MAPK10: variants seen among roughly 807,000 people sequenced by gnomAD.
The protein encoded by MAPK10 is JNK3 alpha protein kinase.
A neutral mutation model predicts 59.3 loss-of-function variants in MAPK10; 25 were observed. The observed-to-expected ratio is 0.42, with a 90% CI of 0.31 to 0.59. MAPK10 has a LOEUF of 0.59. MAPK10 is among the 20% of genes least tolerant of loss of function. The pLI is 0.15. For synonymous variants in MAPK10, 190 were observed against 200.5 expected, an observed-to-expected ratio of 0.95 and a Z score of 0.44; for missense variants, 351 against 568.9, an observed-to-expected ratio of 0.62 and a Z score of 3.90.
chr4:86,208,767 G>A (rs563403365), intron 2 of MAPK10, among the ~76,000 whole-genome samples: 1 of 152,008 alleles, frequency 6.6e-6, no homozygotes, highest in African/African-American at 2.4e-5. Context: ...AGAAAATAAA[G>A]GGTATTCAAT....
intron 1 of MAPK10, among the ~76,000 whole-genome samples, chr4:86,550,374 T>TAAAAAAAAAAAAAAAAAAAA (rs753508493): frequency 1.3e-5 from 1 of 77,392 alleles, no homozygotes; most frequent in Non-Finnish European, 2.3e-5. Context: ...GAGCTTCAGT[T>TAAAAAAAAAAAAAAAAAAAA]AAAAAAAAAA....
At chr4:86,555,398 A>T (rs917797839) in intron 1 of MAPK10, among the ~76,000 whole-genome samples, 3 of 152,162 alleles carry the variant, frequency 2.0e-5, no homozygotes, top group African/African-American at 7.2e-5. Context: ...GTAAGCCAAG[A>T]TCGCACCACT....
intron 1 of MAPK10, among the ~76,000 whole-genome samples, chr4:86,554,943 ATGCCTT>A (rs1233363605): frequency 6.6e-6 from 1 of 152,228 alleles, no homozygotes; most frequent in East Asian, 1.9e-4. Flanking sequence ...TCAAAACTCT[ATGCCTT>A]TGCAAATTTT....
chr4:86,513,821 C>T (rs759845427), intron 1 of MAPK10, among the ~76,000 whole-genome samples: 25 of 152,166 alleles, frequency 1.6e-4, no homozygotes, highest in Non-Finnish European at 2.9e-4. Context: ...GAGATGATAA[C>T]AAAGACCTAT....
chr4:86,468,458 A>G (rs1389359147), intron 1 of MAPK10, among the ~76,000 whole-genome samples: 13 of 152,228 alleles, frequency 8.5e-5, no homozygotes, highest in Non-Finnish European at 1.5e-5. Context: ...TTATTTTATA[A>G]TATGAACCAG....
chr4:86,473,194 T>C (rs1321740749), intron 1 of MAPK10, among the ~76,000 whole-genome samples: 1 of 152,218 alleles, frequency 6.6e-6, no homozygotes, highest in Non-Finnish European at 1.5e-5. Flanking sequence ...GAAATTTTTC[T>C]AAAAATTTTT....
chr4:86,168,808 A>G (rs1581754599), intron 3 of MAPK10, among the ~76,000 whole-genome samples: 1 of 151,728 alleles, frequency 6.6e-6, no homozygotes, highest in African/African-American at 2.4e-5. Flanking sequence ...ACTGGGAGGC[A>G]CCCCCCAGTA....
chr4:86,526,293 G>C (rs1301812517), intron 1 of MAPK10, among the ~76,000 whole-genome samples: 8 of 152,124 alleles, frequency 5.3e-5, no homozygotes, highest in African/African-American at 1.9e-4. Context: ...TCAGTCCAGA[G>C]AGGTCATGTG....
intron 2 of MAPK10, among the ~76,000 whole-genome samples, chr4:86,247,077 C>T (rs188646497): frequency 1.7e-4 from 26 of 152,200 alleles, no homozygotes; most frequent in African/African-American, 4.1e-4. Flanking sequence ...TTCTGCCAAC[C>T]GTCAACCAAC....
At chr4:86,575,810 CATTCTT>C (rs1450624294) in intron 1 of MAPK10, among the ~76,000 whole-genome samples, 3 of 149,954 alleles carry the variant, frequency 2.0e-5, no homozygotes, top group Non-Finnish European at 4.5e-5. Flanking sequence ...TGTAGTAACT[CATTCTT>C]AAACACAAAA....
chr4:86,284,741 CAGAG>C (rs2094936256), intron 2 of MAPK10, among the ~76,000 whole-genome samples: 1 of 152,168 alleles, frequency 6.6e-6, no homozygotes, highest in African/African-American at 2.4e-5. Context: ...TCTGTCTCGA[CAGAG>C]AGTCAGCCTT....
chr4:86,055,323 T>G (rs1404208905), intron 11 of MAPK10, among the ~76,000 whole-genome samples: 5 of 136,238 alleles, frequency 3.7e-5, no homozygotes, highest in Admixed American at 3.5e-4. Flanking sequence ...TGAAAATATT[T>G]AGGGGAACTT....
intron 4 of MAPK10, among the ~76,000 whole-genome samples, chr4:86,127,221 A>G (rs907547915): frequency 7.5e-6 from 1 of 132,912 alleles, no homozygotes; most frequent in African/African-American, 2.8e-5. Context: ...AAAAAAAAAA[A>G]GCATCCTACT....
chr4:86,216,828 T>C (rs925176955), intron 2 of MAPK10, among the ~76,000 whole-genome samples: 2 of 152,056 alleles, frequency 1.3e-5, no homozygotes, highest in Admixed American at 1.3e-4. Flanking sequence ...TAGTTACAAA[T>C]ATAGTTTTAG....
At position 86,486,131 on chromosome 4, in the gene MAPK10, A is replaced by G. The variant is rs546972873; in HGVS notation, c.-263+107779T>C. ...CAAATTAACTGTATTTTATTAAATA[A>G]TCACATGGAAAGTTGGGTGTGGTGG... On this transcript the variant is annotated intron_variant, in intron 1 of 4. Coordinates refer to the MAPK10 transcript ENST00000502302. 1.7e-4 allele frequency among the ~76,000 whole-genome samples: 26 copies of G among 152,330 alleles called. No individual in the cohort carries two copies. The South Asian group carries it at 5.4e-3, about 32-fold the overall frequency.
chr4:86,263,612 TA>T lies in MAPK10; in HGVS notation c.-6-69206del, dbSNP rs897013479. Among the ~76,000 whole-genome samples, 884 of 152,292 alleles carry T rather than the reference TA, an allele frequency of 5.8e-3. 8 individuals carry two copies. The highest frequency in any genetic ancestry group is 0.02 in the African/African-American group (832 of 41,558). On this transcript the variant is annotated intron_variant, in intron 2 of 13. Coordinates refer to ENST00000641462, the MANE Select transcript of MAPK10 (RefSeq NM_138982.4). ...GGGATTAATTTTTGTTTTGGAGACA[TA>T]AGCAGGATATAGTTGAAAGAACAAA...
Position 86,029,500 on chromosome 4 carries a change from A to G in MAPK10, c.1175-226T>C, listed in dbSNP as rs575339319. Among the ~76,000 whole-genome samples the G allele has an allele frequency of 2.0e-5, 3 of 152,266 alleles. No individual in the cohort carries two copies. In the East Asian group the frequency reaches 5.8e-4, roughly 29 times the overall value. On this transcript the variant is annotated intron_variant, in intron 12 of 13. Transcript: ENST00000641462. ...GCAGTTGAAGAAATCAATGCATGAA[A>G]ATTTATTTCTACGTACATGAAACAT...
intron 1 of MAPK10, among the ~76,000 whole-genome samples, chr4:86,388,812 T>G (rs1741832234): frequency 1.3e-5 from 2 of 152,294 alleles, no homozygotes; most frequent in South Asian, 4.1e-4. Context: ...CACAGATGCA[T>G]GAAATGTACT....
At chr4:86,367,747 T>C (rs1410620444) in intron 1 of MAPK10, among the ~76,000 whole-genome samples, 1 of 152,088 alleles carries the variant, frequency 6.6e-6, no homozygotes, top group Admixed American at 6.6e-5. Context: ...CTGGGGAAGT[T>C]AGATAAACAT....
Sources: allele counts gnomAD v4.1 joint callset (sites outside exome capture counted in the v4.1 genomes callset), GRCh38; gene constraint gnomAD v4.1.1; transcripts MANE v1.5; gene names NCBI Gene and HGNC (gene_info 2026-07-23, HGNC 2026-07-21).